SYNDIG1L: variants seen among roughly 807,000 people sequenced by gnomAD.
SYNDIG1L encodes synapse differentiation inducing 1 like, also known as synapse differentiation-inducing gene protein 1-like.
A neutral mutation model predicts 20.1 loss-of-function variants in SYNDIG1L; 13 were observed. The observed-to-expected ratio is 0.65, with a 90% CI of 0.42 to 1.03. The LOEUF is 1.03. Ranked by LOEUF, SYNDIG1L falls within the 50% of genes least tolerant of loss-of-function variation. The pLI is 0.00. For synonymous variants in SYNDIG1L, 128 were observed against 129.3 expected (o/e 0.99, Z 0.07); for missense variants, 294 against 305.1 (o/e 0.96, Z 0.27).
the SYNDIG1L span, chr14:74,474,617 G>A: frequency 2.0e-5 from 3 of 152,412 alleles, no homozygotes; most frequent in African/African-American, 7.2e-5. Flanking sequence ...AGGGGAGGAG[G>A]AGCCATTTCT....
upstream of SYNDIG1L, among the ~76,000 whole-genome samples, chr14:74,426,339 G>T (rs1271308473): frequency 1.3e-5 from 2 of 151,650 alleles, no homozygotes; most frequent in African/African-American, 2.4e-5. Flanking sequence ...CCCGGCTCCG[G>T]GGCGGGGCGG....
the SYNDIG1L span, among the ~76,000 whole-genome samples, chr14:74,457,497 C>A: frequency 6.6e-6 from 1 of 151,994 alleles, no homozygotes; most frequent in Non-Finnish European, 1.5e-5. Flanking sequence ...GGCCACATTT[C>A]CTCCTCCAGA....
chr14:74,471,433 C>CA, the SYNDIG1L span, among the ~76,000 whole-genome samples: 2 of 152,050 alleles, frequency 1.3e-5, no homozygotes, highest in South Asian at 2.1e-4. Context: ...TCCGTCTCTA[C>CA]AAAAAAATAC....
the SYNDIG1L span, among the ~76,000 whole-genome samples, chr14:74,463,176 C>T: frequency 5.9e-5 from 9 of 152,196 alleles, 1 homozygote; most frequent in East Asian, 5.8e-4. Flanking sequence ...ATGGCCACTT[C>T]TCAGTCCTTA....
In SYNDIG1L at chr14:74,408,005, G is replaced by A. The variant is rs1247275124; in HGVS notation, c.418-16C>T. On this transcript the variant is annotated splice_polypyrimidine_tract_variant and intron_variant, in intron 2 of 3. Transcript: ENST00000331628. The stretch of plus-strand genomic sequence containing the variant: ...TGGCATCGCTCTGCAAAACAGTGGA[G>A]TTTGGTGACCAGGCCCAGGATCAGC... 6.3e-7 allele frequency: 1 copy of A among 1,595,660 alleles called. No individual in the cohort carries two copies. The highest frequency in any genetic ancestry group is 8.5e-7 in the Non-Finnish European group (1 of 1,171,340).
At chr14:74,462,348 G>A in the SYNDIG1L span, among the ~76,000 whole-genome samples, 2 of 151,746 alleles carry the variant, frequency 1.3e-5, no homozygotes, top group Non-Finnish European at 2.9e-5. Flanking sequence ...GCCAGGTGTG[G>A]TGGTGCACGC....
the SYNDIG1L span, among the ~76,000 whole-genome samples, chr14:74,443,457 A>G: frequency 1.3e-5 from 2 of 152,214 alleles, no homozygotes; most frequent in African/African-American, 4.8e-5. Flanking sequence ...TGAGACTGAG[A>G]GGAAATAACC....
chr14:74,441,314 G>A, the SYNDIG1L span, among the ~76,000 whole-genome samples: 2 of 152,306 alleles, frequency 1.3e-5, no homozygotes, highest in African/African-American at 4.8e-5. Context: ...TGGAAGCACT[G>A]CTTTTGACAG....
the SYNDIG1L span, among the ~76,000 whole-genome samples, chr14:74,459,436 G>A: frequency 3.0e-4 from 45 of 152,276 alleles, no homozygotes; most frequent in African/African-American, 9.1e-4. Flanking sequence ...AGTGGGAGGC[G>A]GAGGTTGCAG....
At chr14:74,473,245 T>C in the SYNDIG1L span, among the ~76,000 whole-genome samples, 7 of 151,706 alleles carry the variant, frequency 4.6e-5, no homozygotes, top group African/African-American at 1.7e-4. Context: ...ATTAGCAGGG[T>C]GTGGTGGCAG....
the SYNDIG1L span, among the ~76,000 whole-genome samples, chr14:74,477,090 A>ACACC: frequency 1.7e-5 from 1 of 59,450 alleles, no homozygotes; most frequent in African/African-American, 7.7e-5. Context: ...ACACACACAC[A>ACACC]ACCCTGTCTC....
At chr14:74,438,993 A>T in the SYNDIG1L span, among the ~76,000 whole-genome samples, 20 of 152,248 alleles carry the variant, frequency 1.3e-4, no homozygotes, top group East Asian at 3.9e-3. Context: ...ACGTGCCTGT[A>T]ATCCCAGCTA....
chr14:74,454,138 C>T, the SYNDIG1L span, among the ~76,000 whole-genome samples: 69 of 152,214 alleles, frequency 4.5e-4, 1 homozygote, highest in Admixed American at 3.1e-3. Context: ...TTTCTGACTC[C>T]GAAGCCTATG....
the SYNDIG1L span, among the ~76,000 whole-genome samples, chr14:74,443,956 A>G: frequency 1.6e-4 from 24 of 152,332 alleles, no homozygotes; most frequent in Middle Eastern, 6.8e-3. Context: ...CAACTCACAG[A>G]TCTCTCTCAA....
At chr14:74,430,576 C>T (rs1272534053), upstream of SYNDIG1L, among the ~76,000 whole-genome samples, 1 of 151,922 alleles carries the variant, frequency 6.6e-6, no homozygotes, top group Admixed American at 6.6e-5. Context: ...GCTGGGATTA[C>T]AGGTGTGTGC....
At chr14:74,475,187 A>T in the SYNDIG1L span, among the ~76,000 whole-genome samples, 9 of 151,862 alleles carry the variant, frequency 5.9e-5, no homozygotes, top group Non-Finnish European at 1.3e-4. Context: ...AGCAGTTTCC[A>T]TGGCTGCAAC....
At chr14:74,440,755 AT>A in the SYNDIG1L span, among the ~76,000 whole-genome samples, 19 of 151,386 alleles carry the variant, frequency 1.3e-4, no homozygotes, top group East Asian at 3.9e-4. Flanking sequence ...TTATTACACT[AT>A]TTTTTTTTAA....
chr14:74,424,520 GA>G (rs956878168), intron 1 of SYNDIG1L, among the ~76,000 whole-genome samples: 4 of 152,212 alleles, frequency 2.6e-5, no homozygotes, highest in Non-Finnish European at 5.9e-5. Context: ...TTCTTAGGGA[GA>G]AAAAATAAAA....
chr14:74,412,966 G>A (rs538033939), intron 1 of SYNDIG1L, among the ~76,000 whole-genome samples: 1 of 152,166 alleles, frequency 6.6e-6, no homozygotes, highest in Non-Finnish European at 1.5e-5. Flanking sequence ...GGCAGCCCCA[G>A]GGCCCACAGA....
Sources: allele counts gnomAD v4.1 joint callset (sites outside exome capture counted in the v4.1 genomes callset), GRCh38; gene constraint gnomAD v4.1.1; transcripts MANE v1.5; gene names NCBI Gene and HGNC (gene_info 2026-07-23, HGNC 2026-07-21).